The following MPP7 variants were observed in gnomAD, a reference collection of about 807,000 sequenced individuals.
MPP7 encodes the protein MAGUK p55 subfamily member 7.
In MPP7, 60 loss-of-function variants were observed where a neutral mutation model predicts 76.5. The observed-to-expected ratio is 0.78, with a 90% CI of 0.64 to 0.97. The LOEUF (loss-of-function observed/expected upper bound fraction) is 0.97. Ranked by LOEUF, MPP7 falls within the 50% of genes least tolerant of loss-of-function variation. The probability of loss-of-function intolerance (pLI) is 0.00; values close to 1 mark genes in which losing one functional copy is unlikely to be tolerated. For synonymous variants in MPP7, 237 were observed against 244.5 expected (o/e 0.97, Z 0.29); for missense variants, 641 against 694.0 (o/e 0.92, Z 0.86).
intron 12 of MPP7, among the ~76,000 whole-genome samples, chr10:28,078,053 C>A (rs1852581540): frequency 6.6e-6 from 1 of 152,190 alleles, no homozygotes; most frequent in African/African-American, 2.4e-5. Flanking sequence ...TGGCATGTGG[C>A]TTAGCTGGTG....
chr10:28,308,315 A>G (rs749350981), intron 2 of MPP7, among the ~76,000 whole-genome samples: 6 of 152,214 alleles, frequency 3.9e-5, no homozygotes, highest in Non-Finnish European at 8.8e-5. Flanking sequence ...TCAAGCCAGT[A>G]TCTTCAGCCT....
intron 3 of MPP7, among the ~76,000 whole-genome samples, chr10:28,200,081 A>T (rs1837720662): frequency 6.6e-6 from 1 of 152,192 alleles, no homozygotes; most frequent in Admixed American, 6.6e-5. Flanking sequence ...AGCTCTACCA[A>T]GATTTACGTA....
chr10:28,202,288 A>G lies in MPP7; in HGVS notation c.38-17T>C. 1 of 1,558,192 alleles carries G rather than the reference A, an allele frequency of 6.4e-7. No individual in the cohort carries two copies. Among genetic ancestry groups the G allele is most frequent in the Non-Finnish European group, 8.8e-7 (1 of 1,132,822 alleles). On this transcript the variant is annotated splice_polypyrimidine_tract_variant and intron_variant, in intron 2 of 16. Transcript: ENST00000683449. Reference sequence around the variant, plus strand: ...CATACAGACCTATAAAATGAAAATAAAACACAAAGTGTAATCTTAGAGTGA... The same window carrying G: ...CATACAGACCTATAAAATGAAAATAGAACACAAAGTGTAATCTTAGAGTGA...
At chr10:28,075,359 G>A (rs1220872284) in intron 12 of MPP7, among the ~76,000 whole-genome samples, 2 of 151,984 alleles carry the variant, frequency 1.3e-5, no homozygotes, top group African/African-American at 4.8e-5. Context: ...CTGAACCACA[G>A]AGTGCAGAAA....
At chr10:28,163,509 T>C (rs1258475333) in intron 3 of MPP7, among the ~76,000 whole-genome samples, 1 of 152,174 alleles carries the variant, frequency 6.6e-6, no homozygotes, top group Non-Finnish European at 1.5e-5. Flanking sequence ...CCCTGGTTTA[T>C]CATGTTCACA....
chr10:28,239,122 C>A (rs2132749027), intron 1 of MPP7, among the ~76,000 whole-genome samples: 1 of 151,780 alleles, frequency 6.6e-6, no homozygotes, highest in East Asian at 1.9e-4. Flanking sequence ...AAATTGTCAG[C>A]AACTTATAAT....
At chr10:28,097,717 A>G (rs1853635157) in intron 11 of MPP7, among the ~76,000 whole-genome samples, 1 of 152,228 alleles carries the variant, frequency 6.6e-6, no homozygotes, top group South Asian at 2.1e-4. Context: ...TTAAAAACAT[A>G]ATTTTTTCCT....
intron 2 of MPP7, among the ~76,000 whole-genome samples, chr10:28,205,477 T>C (rs796784246): frequency 3.3e-5 from 5 of 152,288 alleles, no homozygotes; most frequent in African/African-American, 7.2e-5. Context: ...CTAAATCTAC[T>C]TGGTCTTTGG....
intron 3 of MPP7, among the ~76,000 whole-genome samples, chr10:28,171,020 C>A (rs557457170): frequency 3.3e-5 from 5 of 152,278 alleles, no homozygotes; most frequent in Non-Finnish European, 7.4e-5. Flanking sequence ...TAGCATTCCA[C>A]AAATTGTTCC....
At chr10:28,131,729 A>C in intron 5 of MPP7, 38 bp from the exon 6 acceptor site, 3 of 1,249,290 alleles carry the variant, frequency 2.4e-6, no homozygotes, top group Non-Finnish European at 3.2e-6. Context: ...AAGTAAATAT[A>C]CATACTTATA....
At chr10:28,289,015 C>G (rs1840850307) in intron 1 of MPP7, among the ~76,000 whole-genome samples, 1 of 152,072 alleles carries the variant, frequency 6.6e-6, no homozygotes, top group Non-Finnish European at 1.5e-5. Context: ...AAATAGCTAA[C>G]CAGGCCAGGC....
chr10:28,062,350 A>G (rs1851819909), intron 13 of MPP7, among the ~76,000 whole-genome samples: 1 of 152,166 alleles, frequency 6.6e-6, no homozygotes, highest in African/African-American at 2.4e-5. Flanking sequence ...AGCAACCAGT[A>G]AAAAGCTAAT....
chr10:28,083,059 C>G (rs953723514), intron 12 of MPP7, among the ~76,000 whole-genome samples: 1 of 152,084 alleles, frequency 6.6e-6, no homozygotes, highest in Non-Finnish European at 1.5e-5. Context: ...GAATTGTTCC[C>G]GTGTCATGTG....
chr10:28,110,089 T>A (rs1834460234), intron 11 of MPP7, among the ~76,000 whole-genome samples: 2 of 151,364 alleles, frequency 1.3e-5, no homozygotes, highest in South Asian at 4.2e-4. Flanking sequence ...TCTTCTTTTT[T>A]CTTTTTTCTT....
intron 1 of MPP7, among the ~76,000 whole-genome samples, chr10:28,247,906 C>T (rs966603326): frequency 6.6e-6 from 1 of 152,148 alleles, no homozygotes; most frequent in Non-Finnish European, 1.5e-5. Context: ...AATTTTTATA[C>T]TTCATGAATA....
intron 12 of MPP7, among the ~76,000 whole-genome samples, chr10:28,070,475 T>C (rs930947302): frequency 2.0e-5 from 3 of 152,216 alleles, no homozygotes; most frequent in African/African-American, 7.2e-5. Context: ...GAAAATTCAA[T>C]TGCATAATGC....
At chr10:28,319,961 C>CA (rs5784051) in intron 2 of MPP7, among the ~76,000 whole-genome samples, 25,438 of 151,328 alleles carry the variant, frequency 0.17, 2,338 homozygotes, top group Non-Finnish European at 0.21. Flanking sequence ...CTCTCAAAAA[C>CA]AAAAAAAAAT....
At chr10:28,146,446 G>GA (rs1835709058) in intron 5 of MPP7, among the ~76,000 whole-genome samples, 1 of 148,780 alleles carries the variant, frequency 6.7e-6, no homozygotes, top group Non-Finnish European at 1.5e-5. Flanking sequence ...CTGTCGCCCA[G>GA]GCTGGAGTGC....
At chr10:28,139,639 A>C (rs1485591303) in intron 5 of MPP7, among the ~76,000 whole-genome samples, 1 of 152,172 alleles carries the variant, frequency 6.6e-6, no homozygotes, top group Non-Finnish European at 1.5e-5. Context: ...GTACCTACTT[A>C]ATAGGGCTTC....
Sources: gnomAD v4.1 joint callset for allele counts (sites outside exome capture counted in the v4.1 genomes callset) on GRCh38, gnomAD v4.1.1 for gene constraint, MANE v1.5 for transcripts, NCBI Gene and HGNC (gene_info 2026-07-23, HGNC 2026-07-21) for gene names.